The following GBE1 variants were observed in gnomAD, a reference collection of about 807,000 sequenced individuals.
GBE1 encodes 1,4-alpha-glucan-branching enzyme.
A neutral mutation model predicts 88.8 loss-of-function variants in GBE1; 70 were observed. That is an observed-to-expected ratio of 0.79 (90% CI 0.65 to 0.96). GBE1 has a LOEUF of 0.96. Among genes scored for constraint, GBE1 ranks in the 40% least tolerant of loss-of-function variants. The pLI, the probability that GBE1 is intolerant of heterozygous loss-of-function variation, is 0.00. For missense variants in GBE1, 872 were observed against 871.0 expected (o/e 1.00, Z -0.01); for synonymous variants, 284 against 300.1 (o/e 0.95, Z 0.56).
intron 14 of GBE1, among the ~76,000 whole-genome samples, chr3:81,510,575 G>T (rs905709042): frequency 3.3e-5 from 5 of 151,968 alleles, no homozygotes; most frequent in Admixed American, 2.6e-4. Context: ...ATTAATTATT[G>T]TGAGGAGAAA....
At chr3:81,506,658 G>T (rs527794162) in intron 14 of GBE1, among the ~76,000 whole-genome samples, 1 of 152,172 alleles carries the variant, frequency 6.6e-6, no homozygotes, top group East Asian at 1.9e-4. Flanking sequence ...GAAAAATCAG[G>T]TAATAAACCT....
chr3:81,670,386 G>A (rs78061956), intron 3 of GBE1, among the ~76,000 whole-genome samples: 3,078 of 152,226 alleles, frequency 0.02, 103 homozygotes, highest in African/African-American at 0.071. Flanking sequence ...GCCAGAAAGA[G>A]GAAGAAGCAG....
chr3:81,760,020 G>C (rs187561508), intron 1 of GBE1, among the ~76,000 whole-genome samples: 2 of 151,588 alleles, frequency 1.3e-5, no homozygotes, highest in Admixed American at 1.3e-4. Flanking sequence ...AATTTTTTCT[G>C]ACTATTTCTA....
intron 12 of GBE1, among the ~76,000 whole-genome samples, chr3:81,565,674 G>A (rs1703482328): frequency 6.6e-6 from 1 of 152,066 alleles, no homozygotes; most frequent in African/African-American, 2.4e-5. Context: ...TCATAATACT[G>A]CTGAGAGAGA....
At chr3:81,629,442 TAA>T (rs1197170613) in intron 7 of GBE1, among the ~76,000 whole-genome samples, 1 of 152,110 alleles carries the variant, frequency 6.6e-6, no homozygotes. Flanking sequence ...TTTAATTTCT[TAA>T]GAGACATTTA....
rs1186851090 is a variant in GBE1 at position 81,733,707 on chromosome 3, ATTC to A, written c.143+27665_143+27667del. Reference sequence around the variant, plus strand: ...CACACTCAATTCCCGTTTTTATTATATTCTTCTATGTTTTCTTTTTGCCATGGC... The same window carrying A: ...CACACTCAATTCCCGTTTTTATTATATTCTATGTTTTCTTTTTGCCATGGC... On this transcript the variant is annotated intron_variant, in intron 1 of 15. Transcript: ENST00000429644. The surrounding 1 kb of genome is among the most constrained non-coding windows in gnomAD (Gnocchi z 4.0). 6.6e-6 allele frequency among the ~76,000 whole-genome samples: 1 copy of A among 152,194 alleles called. No homozygotes were observed. Among genetic ancestry groups the A allele is most frequent in the East Asian group, 1.9e-4 (1 of 5,186 alleles).
chr3:81,719,554 A>C (rs1282226163), intron 1 of GBE1, among the ~76,000 whole-genome samples: 1 of 152,132 alleles, frequency 6.6e-6, no homozygotes, highest in African/African-American at 2.4e-5. Flanking sequence ...AGAAAGAGAC[A>C]CATATGATTT....
At chr3:81,643,213 T>A (rs1384509363) in intron 6 of GBE1, among the ~76,000 whole-genome samples, 1 of 151,964 alleles carries the variant, frequency 6.6e-6, no homozygotes, top group Non-Finnish European at 1.5e-5. Context: ...TAAATGTAGA[T>A]TTATACCCCA....
rs370664131 is a variant in GBE1 at position 81,648,873 on chromosome 3, G to A, written c.674C>T (p.Pro225Leu). 12 of 1,556,644 alleles carry A rather than the reference G, an allele frequency of 7.7e-6. No homozygotes were observed. In the African/African-American group the frequency reaches 1.3e-4, roughly 16 times the overall value. The change falls in exon 5 of 16, where the codon CCA (proline) becomes CTA (leucine). Residue 225 changes from proline to leucine, a missense_variant. Physicochemically the swap from Pro to Leu is moderately conservative, Grantham distance 98. Coordinates refer to ENST00000429644, the MANE Select transcript of GBE1 (RefSeq NM_000158.4). ...SYKHFTCNVL[P>L]RIKGLGYNCI... is the part of the protein sequence containing the mutation. ...TTACTTACCAAGGCCTTTGATTCTT[G>A]GTAGTACATTGCATGTAAAATGTTT...
chr3:81,534,071 C>G (rs1703043287), intron 14 of GBE1, among the ~76,000 whole-genome samples: 2 of 152,024 alleles, frequency 1.3e-5, no homozygotes, highest in Non-Finnish European at 2.9e-5. Context: ...CACCCTGACA[C>G]ATAGGACTTC....
chr3:81,492,094 G>C (rs942936681), intron 15 of GBE1, among the ~76,000 whole-genome samples: 6 of 152,198 alleles, frequency 3.9e-5, no homozygotes, highest in Admixed American at 3.3e-4. Flanking sequence ...GCCAGCAGTC[G>C]CTGTGTAACT....
chr3:81,660,887 G>C (rs917973789), intron 3 of GBE1, among the ~76,000 whole-genome samples: 1 of 152,088 alleles, frequency 6.6e-6, no homozygotes, highest in Non-Finnish European at 1.5e-5. Flanking sequence ...GGAGAAAAAG[G>C]TTATTTCCTG....
intron 1 of GBE1, among the ~76,000 whole-genome samples, chr3:81,730,294 T>C (rs1706168301): frequency 6.6e-6 from 1 of 152,160 alleles, no homozygotes; most frequent in African/African-American, 2.4e-5. Context: ...TTCTGACCAG[T>C]AAGATACAGT....
chr3:81,659,074 G>C (rs901253758), intron 3 of GBE1, among the ~76,000 whole-genome samples: 4 of 152,100 alleles, frequency 2.6e-5, no homozygotes, highest in African/African-American at 9.7e-5. Flanking sequence ...ATTACTGAAA[G>C]AGTGTGCTTC....
At chr3:81,750,783 C>T (rs1178382639) in intron 1 of GBE1, among the ~76,000 whole-genome samples, 9 of 146,672 alleles carry the variant, frequency 6.1e-5, no homozygotes, top group African/African-American at 1.8e-4. Flanking sequence ...CCGGTCCAAG[C>T]GATTCTTCTT....
intron 1 of GBE1, among the ~76,000 whole-genome samples, chr3:81,711,586 C>T (rs1046066172): frequency 6.6e-6 from 1 of 152,052 alleles, no homozygotes; most frequent in Non-Finnish European, 1.5e-5. Context: ...TACCATGCTG[C>T]TTTGGTTAGT....
chr3:81,728,413 G>C (rs2107200479), intron 1 of GBE1, among the ~76,000 whole-genome samples: 1 of 152,236 alleles, frequency 6.6e-6, no homozygotes, highest in East Asian at 1.9e-4. Flanking sequence ...TCTGACCACA[G>C]ATCTATCCTA....
At chr3:81,697,010 A>G (rs1264815993) in intron 2 of GBE1, among the ~76,000 whole-genome samples, 1 of 152,058 alleles carries the variant, frequency 6.6e-6, no homozygotes, top group African/African-American at 2.4e-5. Flanking sequence ...GTGTCCTCCA[A>G]TTCAATCCTG....
chr3:81,581,132 GAAAT>G, intron 11 of GBE1, 29 bp downstream of exon 11: 1 of 1,214,840 alleles, frequency 8.2e-7, no homozygotes, highest in Non-Finnish European at 1.2e-6. Context: ...GAGAGAGAGA[GAAAT>G]AAATGAATTT....
Sources: allele counts gnomAD v4.1 joint callset (sites outside exome capture counted in the v4.1 genomes callset), GRCh38; gene constraint gnomAD v4.1.1; non-coding constraint Gnocchi (gnomAD v3.1); transcripts MANE v1.5; gene names NCBI Gene and HGNC (gene_info 2026-07-23, HGNC 2026-07-21).